Variants in EDA observed in about 807,000 individuals in gnomAD.
EDA encodes the protein ectodysplasin-A.
In EDA, 2 loss-of-function variants were observed where a neutral mutation model predicts 23.6. The ratio of observed to expected loss-of-function variants is 0.08; its 90% CI spans 0.03 to 0.27. The LOEUF (loss-of-function observed/expected upper bound fraction) is 0.27. Among genes scored for constraint, EDA ranks in the 10% least tolerant of loss-of-function variants. The probability of loss-of-function intolerance (pLI) is 1.00; values close to 1 mark genes in which losing one functional copy is unlikely to be tolerated. For synonymous variants in EDA, 131 were observed against 132.0 expected (o/e 0.99, Z 0.05); for missense variants, 229 against 324.2 (o/e 0.71, Z 2.26).
At position 70,037,378 on chromosome X, in the gene EDA, T is replaced by G. The variant is rs964559211; in HGVS notation, c.*1769T>G. 1.2e-4 allele frequency: 13 copies of G among 111,903 alleles called. No homozygotes were observed. Among genetic ancestry groups the G allele is most frequent in the Non-Finnish European group, 1.9e-4 (10 of 53,176 alleles). 9.2% of individuals were successfully genotyped at this position (111,903 alleles called of 1,213,427 possible). A position where few individuals can be genotyped will look rare whatever the true frequency, so the allele number is the denominator to read the frequency against. On this transcript the variant is annotated 3_prime_UTR_variant, in exon 8 of 8. Transcript: ENST00000374552. ...CCCAAGGTGAGGTGAACTCCAGGCA[T>G]GTGTCTGGCCCTAACTCCTATAAAG... is the stretch of plus-strand genomic sequence containing the variant.
chrX:69,773,586 TTTG>T (rs1170678786), intron 1 of EDA, among the ~76,000 whole-genome samples: 1 of 111,663 alleles, frequency 9.0e-6, no homozygotes, highest in African/African-American at 3.3e-5. Flanking sequence ...ATTTTCTGTT[TTTG>T]TTGTTGTTTT....
At chrX:69,623,844 G>T (rs976456949) in intron 1 of EDA, among the ~76,000 whole-genome samples, 1 of 110,170 alleles carries the variant, frequency 9.1e-6, no homozygotes, top group African/African-American at 3.3e-5. Flanking sequence ...GTTTTAAATA[G>T]GAATTTTATA....
intron 1 of EDA, among the ~76,000 whole-genome samples, chrX:69,891,827 G>A (rs2017936970): frequency 9.0e-6 from 1 of 111,077 alleles, no homozygotes; most frequent in African/African-American, 3.3e-5. Flanking sequence ...CTTCATACCT[G>A]GGTGATGGGA....
intron 1 of EDA, among the ~76,000 whole-genome samples, chrX:69,703,823 A>G (rs2011611381): frequency 9.0e-6 from 1 of 111,675 alleles, no homozygotes; most frequent in South Asian, 3.8e-4. Flanking sequence ...CCTGGGGAGA[A>G]TCTTTCAGAG....
At chrX:69,954,978 A>G (rs766037658) in intron 1 of EDA, among the ~76,000 whole-genome samples, 1 of 111,946 alleles carries the variant, frequency 8.9e-6, no homozygotes, top group African/African-American at 3.2e-5. Flanking sequence ...AGCTCCATCT[A>G]TGTCACTGCA....
At chrX:69,723,698 A>G (rs1379189115) in intron 1 of EDA, among the ~76,000 whole-genome samples, 1 of 111,946 alleles carries the variant, frequency 8.9e-6, no homozygotes, top group Non-Finnish European at 1.9e-5. Context: ...TTTGGTAGCT[A>G]TAATTCTGGA....
At chrX:69,761,768 C>G (rs1383134994) in intron 1 of EDA, among the ~76,000 whole-genome samples, 1 of 111,919 alleles carries the variant, frequency 8.9e-6, no homozygotes, top group African/African-American at 3.2e-5. Context: ...GCTTTTTATA[C>G]TTCTTTAATC....
At chrX:69,852,562 AG>A (rs1193586359) in intron 1 of EDA, among the ~76,000 whole-genome samples, 3 of 111,588 alleles carry the variant, frequency 2.7e-5, no homozygotes, top group Non-Finnish European at 5.6e-5. Context: ...GTTGGCCTTT[AG>A]TTCGGTTTTA....
intron 1 of EDA, among the ~76,000 whole-genome samples, chrX:69,732,580 A>G (rs2013079995): frequency 8.9e-6 from 1 of 112,286 alleles, no homozygotes; most frequent in Admixed American, 9.4e-5. Context: ...GTGTCTTTAT[A>G]GTAGCATGAT....
At position 69,787,358 on chromosome X, in the gene EDA, C is replaced by T. The variant is rs538913808; in HGVS notation, c.397-169669C>T. 3.0e-4 allele frequency among the ~76,000 whole-genome samples: 30 copies of T among 101,574 alleles called. 1 individual carries two copies. In the South Asian group the frequency reaches 7.8e-3, roughly 26 times the overall value. The allele number at this position is 101,574 out of a possible 115,157, so 88.2% of individuals were successfully genotyped here. A position where few individuals can be genotyped will look rare whatever the true frequency, so the allele number is the denominator to read the frequency against. On this transcript the variant is annotated intron_variant, in intron 1 of 7. Transcript: ENST00000374552. ...TATGATGTTAGCTGGTTATTTTGCTCGTTAGTTGATGCAGTTTCTTCCTAG... is the reference window on the plus strand; with the variant it reads ...TATGATGTTAGCTGGTTATTTTGCTTGTTAGTTGATGCAGTTTCTTCCTAG...
intron 2 of EDA, among the ~76,000 whole-genome samples, chrX:69,993,018 T>C: frequency 9.0e-6 from 1 of 111,205 alleles, no homozygotes; most frequent in East Asian, 2.8e-4. Flanking sequence ...CTACTTTTTC[T>C]AATATGGATA....
In EDA at chrX:70,035,764, A is replaced by T. The variant is rs1450047023; in HGVS notation, c.*155A>T. ...TTTATTCCCCAGTGACTCCAGGGTGACAAGGCCTGCTTGACTTTCCAGAAT... is the reference window on the plus strand; with the variant it reads ...TTTATTCCCCAGTGACTCCAGGGTGTCAAGGCCTGCTTGACTTTCCAGAAT... On this transcript the variant is annotated 3_prime_UTR_variant, in exon 8 of 8. Transcript: ENST00000374552. 57 of 688,242 alleles carry T rather than the reference A, an allele frequency of 8.3e-5. No homozygotes were observed. In the East Asian group the frequency reaches 1.9e-3, roughly 23 times the overall value. 56.7% of individuals were successfully genotyped at this position (688,242 alleles called of 1,213,427 possible). A position where few individuals can be genotyped will look rare whatever the true frequency, so the allele number is the denominator to read the frequency against.
At chrX:70,022,329 T>C (rs1304467256) in intron 2 of EDA, among the ~76,000 whole-genome samples, 1 of 109,785 alleles carries the variant, frequency 9.1e-6, no homozygotes, top group Non-Finnish European at 1.9e-5. Context: ...TTTTATTTTA[T>C]TTTATTTTAT....
chrX:69,944,113 C>T lies in EDA; in HGVS notation c.397-12914C>T, dbSNP rs749364572. ...CCAGGACAGGTCCAGAAATGCCATC[C>T]AAGAGCCGAGGCCTAGAATTTGGGA... On this transcript the variant is annotated intron_variant, in intron 1 of 7. Transcript: ENST00000374552. 3.7e-4 allele frequency among the ~76,000 whole-genome samples: 41 copies of T among 111,381 alleles called. No homozygotes were observed. The East Asian group carries it at 0.011, about 30-fold the overall frequency.
chrX:69,710,278 G>T (rs377684523), intron 1 of EDA, among the ~76,000 whole-genome samples: 1 of 110,076 alleles, frequency 9.1e-6, no homozygotes, highest in African/African-American at 3.3e-5. Flanking sequence ...TCTTGTTTTT[G>T]TCAGGTTTGT....
At chrX:69,630,028 G>T (rs1303965031) in intron 1 of EDA, among the ~76,000 whole-genome samples, 3 of 111,061 alleles carry the variant, frequency 2.7e-5, no homozygotes, top group Non-Finnish European at 3.8e-5. Context: ...TCATTTAAAC[G>T]TGTAAATGTG....
chrX:69,869,225 C>T (rs988873739), intron 1 of EDA, among the ~76,000 whole-genome samples: 3 of 110,871 alleles, frequency 2.7e-5, no homozygotes, highest in African/African-American at 9.8e-5. Flanking sequence ...GAAATGACCA[C>T]AGGATGAGTC....
At chrX:69,865,325 T>G (rs2017468060) in intron 1 of EDA, among the ~76,000 whole-genome samples, 1 of 110,285 alleles carries the variant, frequency 9.1e-6, no homozygotes, top group Admixed American at 9.7e-5. Flanking sequence ...TACATATATA[T>G]GTATATATAG....
intron 1 of EDA, among the ~76,000 whole-genome samples, chrX:69,740,184 CAT>C (rs1347794790): frequency 9.0e-6 from 1 of 110,987 alleles, no homozygotes; most frequent in Non-Finnish European, 1.9e-5. Flanking sequence ...AAAGAATAAA[CAT>C]ATACATTTTA....
Sources: allele counts gnomAD v4.1 joint callset (sites outside exome capture counted in the v4.1 genomes callset), GRCh38; gene constraint gnomAD v4.1.1; transcripts MANE v1.5; gene names NCBI Gene and HGNC (gene_info 2026-07-23, HGNC 2026-07-21).